Variants in ASPRV1 observed in about 807,000 individuals in gnomAD.
ASPRV1 encodes the protein aspartic peptidase retroviral like 1, also known as retroviral-like aspartic protease 1.
In ASPRV1, 7 loss-of-function variants were observed where a neutral mutation model predicts 11.0. That is an observed-to-expected ratio of 0.64 (90% CI 0.36 to 1.20). The LOEUF (loss-of-function observed/expected upper bound fraction) is 1.20, where lower values mean the gene tolerates loss of function less well. Among genes scored for constraint, ASPRV1 ranks in the 50% most tolerant of loss-of-function variants. ASPRV1 has a pLI of 0.02. For synonymous variants in ASPRV1, 136 were observed against 138.4 expected, an observed-to-expected ratio of 0.98 and a Z score of 0.12; for missense variants, 299 against 320.0, an observed-to-expected ratio of 0.93 and a Z score of 0.50.
the ASPRV1 span, among the ~76,000 whole-genome samples, chr2:70,009,489 C>CTGTA: frequency 2.0e-5 from 3 of 152,062 alleles, no homozygotes; most frequent in African/African-American, 7.2e-5. Context: ...ACCACCATGC[C>CTGTA]CAGCTAATTT....
chr2:70,060,242 G>A, the ASPRV1 span: 1 of 150,940 alleles, frequency 6.6e-6, no homozygotes, highest in Non-Finnish European at 1.5e-5. Flanking sequence ...TCGGGAGGCT[G>A]AGGCATGAGA....
the ASPRV1 span, among the ~76,000 whole-genome samples, chr2:70,000,788 CAAAAAAAAAAA>C: frequency 1.2e-3 from 50 of 42,042 alleles, no homozygotes; most frequent in South Asian, 2.7e-3. Context: ...GACCCTGCCT[CAAAAAAAAAAA>C]AAAAAAAAAA....
the ASPRV1 span, among the ~76,000 whole-genome samples, chr2:69,972,506 C>T: frequency 2.4e-3 from 369 of 151,716 alleles, 3 homozygotes; most frequent in African/African-American, 8.7e-3. Flanking sequence ...TACAGGCTCC[C>T]GCCACCATGC....
the ASPRV1 span, chr2:70,019,272 C>T: frequency 6.6e-6 from 1 of 152,070 alleles, no homozygotes; most frequent in Non-Finnish European, 1.5e-5. Flanking sequence ...CAAGCATTGG[C>T]AAGGATGTTG....
chr2:69,995,981 A>G, the ASPRV1 span, among the ~76,000 whole-genome samples: 1 of 152,084 alleles, frequency 6.6e-6, no homozygotes, highest in Non-Finnish European at 1.5e-5. Context: ...TTTGGGGAGC[A>G]CTTGGTAGTG....
the ASPRV1 span, chr2:69,938,958 T>G: frequency 4.6e-5 from 7 of 152,638 alleles, no homozygotes; most frequent in African/African-American, 1.4e-4. Flanking sequence ...TTGTTTGTTC[T>G]CACAAACAAA....
the ASPRV1 span, among the ~76,000 whole-genome samples, chr2:70,023,548 C>T: frequency 4.6e-5 from 7 of 152,014 alleles, no homozygotes; most frequent in African/African-American, 1.5e-4. Flanking sequence ...TGGCACACAC[C>T]TGTAATCCCA....
chr2:69,999,005 T>C, the ASPRV1 span, among the ~76,000 whole-genome samples: 7 of 152,194 alleles, frequency 4.6e-5, no homozygotes, highest in African/African-American at 1.7e-4. Flanking sequence ...GGCCAGGGAC[T>C]GGGGGCTGCC....
chr2:69,960,476 G>A lies in ASPRV1; in HGVS notation c.*181C>T, dbSNP rs1678043163. 3.1e-6 allele frequency: 2 copies of A among 653,330 alleles called. No homozygotes were observed. The highest frequency in any genetic ancestry group is 5.2e-6 in the Non-Finnish European group (2 of 388,006). The allele number at this position is 653,330 out of a possible 1,614,324, so 40.5% of individuals were successfully genotyped here. A position where few individuals can be genotyped will look rare whatever the true frequency, so the allele number is the denominator to read the frequency against. On this transcript the variant is annotated 3_prime_UTR_variant, in exon 1 of 1. Coordinates refer to ENST00000320256, the MANE Select transcript of ASPRV1 (RefSeq NM_152792.4). ...GCTCTCCCTCACCTGTGCCTGTTCA[G>A]TGGAAGCCTCCCCTACCAGGGGCAG...
chr2:69,988,209 C>T, the ASPRV1 span, among the ~76,000 whole-genome samples: 2 of 152,280 alleles, frequency 1.3e-5, no homozygotes, highest in South Asian at 2.1e-4. Flanking sequence ...CAGATATTTG[C>T]GCACCCATGT....
the ASPRV1 span, among the ~76,000 whole-genome samples, chr2:69,990,360 T>A: frequency 2.0e-5 from 3 of 151,940 alleles, no homozygotes; most frequent in African/African-American, 7.3e-5. Context: ...ATATTTGTAT[T>A]TATATTAGAG....
the ASPRV1 span, among the ~76,000 whole-genome samples, chr2:70,076,980 C>T: frequency 3.3e-5 from 5 of 152,114 alleles, no homozygotes; most frequent in South Asian, 8.3e-4. Flanking sequence ...AGGGACTATC[C>T]GTACAAATGA....
At chr2:69,949,750 T>C in the ASPRV1 span, among the ~76,000 whole-genome samples, 27,953 of 152,170 alleles carry the variant, frequency 0.18, 3,449 homozygotes, top group African/African-American at 0.33. Flanking sequence ...GTTAATTTTT[T>C]AGTTAACTAT....
At chr2:69,973,026 G>A in the ASPRV1 span, among the ~76,000 whole-genome samples, 1 of 151,898 alleles carries the variant, frequency 6.6e-6, no homozygotes, top group Non-Finnish European at 1.5e-5. Context: ...CTCAGACTAA[G>A]GCAACCTGCC....
the ASPRV1 span, among the ~76,000 whole-genome samples, chr2:69,946,336 ACT>A: frequency 6.6e-6 from 1 of 151,862 alleles, no homozygotes; most frequent in Non-Finnish European, 1.5e-5. Context: ...ACGTGCACAG[ACT>A]CTGGTCAAAT....
chr2:69,954,669 C>A, the ASPRV1 span, among the ~76,000 whole-genome samples: 5 of 152,180 alleles, frequency 3.3e-5, no homozygotes, highest in Non-Finnish European at 7.3e-5. Flanking sequence ...TTCCTCCCTC[C>A]ACCCCAAATA....
chr2:70,044,079 C>G, the ASPRV1 span, among the ~76,000 whole-genome samples: 1 of 152,110 alleles, frequency 6.6e-6, no homozygotes, highest in Non-Finnish European at 1.5e-5. Flanking sequence ...CCTCCCTATC[C>G]CTTCCTCAGT....
chr2:69,942,915 C>G, the ASPRV1 span: 1 of 152,210 alleles, frequency 6.6e-6, no homozygotes, highest in Non-Finnish European at 1.5e-5. Context: ...CAACTGTTAA[C>G]AAATAATAAA....
At chr2:69,971,708 G>A in the ASPRV1 span, among the ~76,000 whole-genome samples, 1 of 152,198 alleles carries the variant, frequency 6.6e-6, no homozygotes, top group Non-Finnish European at 1.5e-5. Context: ...GCCAGCCTTA[G>A]GATGCCCACA....
Sources: gnomAD v4.1 joint callset for allele counts (sites outside exome capture counted in the v4.1 genomes callset) on GRCh38, gnomAD v4.1.1 for gene constraint, MANE v1.5 for transcripts, NCBI Gene and HGNC (gene_info 2026-07-23, HGNC 2026-07-21) for gene names.